Variants in DOCK3 observed in about 807,000 individuals in gnomAD.
The protein encoded by DOCK3 is dedicator of cytokinesis protein 3.
DOCK3 carries 60 observed loss-of-function variants against 265.6 expected under a neutral mutation model. The ratio of observed to expected loss-of-function variants is 0.23; its 90% CI spans 0.18 to 0.28. The LOEUF (loss-of-function observed/expected upper bound fraction) is 0.28. DOCK3 is among the 10% of genes least tolerant of loss of function. The probability of loss-of-function intolerance (pLI) is 1.00; values close to 1 mark genes in which losing one functional copy is unlikely to be tolerated. For synonymous variants in DOCK3, 881 were observed against 938.0 expected (o/e 0.94, Z 1.11); for missense variants, 1,981 against 2,594.3 (o/e 0.76, Z 5.14).
chr3:51,011,629 A>C (rs2078955078), intron 5 of DOCK3, among the ~76,000 whole-genome samples: 1 of 152,188 alleles, frequency 6.6e-6, no homozygotes, highest in Non-Finnish European at 1.5e-5. Context: ...CAACTTGTCA[A>C]AGTCATTCTC....
chr3:51,276,398 G>A (rs1488861237), intron 25 of DOCK3: 34 of 985,246 alleles, frequency 3.5e-5, no homozygotes, highest in Non-Finnish European at 4.1e-5. Flanking sequence ...AGGAAGGAGA[G>A]AAATTGAAGC....
intron 5 of DOCK3, among the ~76,000 whole-genome samples, chr3:50,979,018 C>T (rs1217850535): frequency 6.6e-6 from 1 of 152,144 alleles, no homozygotes; most frequent in African/African-American, 2.4e-5. Flanking sequence ...GTACGGTGCG[C>T]ACACCCACTG....
intron 5 of DOCK3, among the ~76,000 whole-genome samples, chr3:51,016,606 ATATTATATAT>A (rs2079276945): frequency 1.4e-5 from 1 of 70,872 alleles, no homozygotes; most frequent in Non-Finnish European, 2.4e-5. Flanking sequence ...TATGATATAT[ATATTATATAT>A]TTATATATAT....
intron 38 of DOCK3, among the ~76,000 whole-genome samples, chr3:51,347,935 CTGTT>C (rs2085704122): frequency 6.6e-6 from 1 of 152,164 alleles, no homozygotes; most frequent in South Asian, 2.1e-4. Context: ...ATTTGGCTCT[CTGTT>C]TGTCTGTTAT....
intron 5 of DOCK3, among the ~76,000 whole-genome samples, chr3:51,058,246 A>G (rs1005372313): frequency 6.6e-6 from 1 of 152,198 alleles, no homozygotes; most frequent in Non-Finnish European, 1.5e-5. Context: ...CTGCTGCCAT[A>G]TCTGTTGGTC....
At chr3:50,958,865 C>T (rs954925915) in intron 5 of DOCK3, among the ~76,000 whole-genome samples, 3 of 152,128 alleles carry the variant, frequency 2.0e-5, no homozygotes, top group Non-Finnish European at 4.4e-5. Flanking sequence ...ATATGTGTTT[C>T]ACATTTCTGG....
intron 2 of DOCK3, among the ~76,000 whole-genome samples, chr3:50,788,886 G>T (rs942791657): frequency 6.6e-6 from 1 of 152,206 alleles, no homozygotes; most frequent in East Asian, 1.9e-4. Context: ...CCCTTCCTTT[G>T]TTGGCCACCC....
At position 51,382,617 on chromosome 3, in the gene DOCK3, CAGGCTCCTGGGTAAAG is replaced by C. The variant is rs2110664659; in HGVS notation, c.*1062_*1077del. On this transcript the variant is annotated 3_prime_UTR_variant, in exon 53 of 53. Transcript: ENST00000266037. ...CCTGAGGACATGTGGTCAGGTTCAG[CAGGCTCCTGGGTAAAG>C]AGGGTGGGAGGGGGCTTCTCCTTTT... The C allele has an allele frequency of 6.5e-6, 1 of 152,744 alleles. No individual in the cohort carries two copies. Among genetic ancestry groups the C allele is most frequent in the African/African-American group, 2.4e-5 (1 of 41,578 alleles). The allele number at this position is 152,744 out of a possible 1,614,324, so 9.5% of individuals were successfully genotyped here.
chr3:51,338,839 C>T, intron 36 of DOCK3, 96 bp from the exon 37 acceptor site: 3 of 1,058,390 alleles, frequency 2.8e-6, no homozygotes, highest in Non-Finnish European at 4.3e-6. Flanking sequence ...TGCCCTCCCC[C>T]TCCTGCCCAG....
chr3:51,360,448 T>A, intron 46 of DOCK3, 63 bp from the exon 47 acceptor site: 1 of 1,550,232 alleles, frequency 6.5e-7, no homozygotes, highest in Middle Eastern at 1.7e-4. Flanking sequence ...AGTTATTCCC[T>A]CACATCCCTT....
intron 6 of DOCK3, among the ~76,000 whole-genome samples, chr3:51,068,560 A>AAAAAAAAAAAGAAG (rs529031027): frequency 7.3e-5 from 6 of 82,418 alleles, no homozygotes; most frequent in African/African-American, 1.8e-4. Context: ...AAAAAAAAAA[A>AAAAAAAAAAAGAAG]AAGAAGAAGA....
At chr3:50,949,028 A>G (rs2076521350) in intron 5 of DOCK3, among the ~76,000 whole-genome samples, 1 of 152,226 alleles carries the variant, frequency 6.6e-6, no homozygotes, top group African/African-American at 2.4e-5. Context: ...AGGGTAAATG[A>G]ATATTCATAT....
At chr3:51,147,743 G>T (rs1188957846) in intron 10 of DOCK3, among the ~76,000 whole-genome samples, 1 of 152,088 alleles carries the variant, frequency 6.6e-6, no homozygotes, top group Admixed American at 6.6e-5. Context: ...TCTGTAATTG[G>T]TGGACATTTG....
At chr3:51,295,076 A>G (rs1184430285) in intron 27 of DOCK3, among the ~76,000 whole-genome samples, 2 of 152,256 alleles carry the variant, frequency 1.3e-5, no homozygotes, top group African/African-American at 2.4e-5. Context: ...CTTAAATGGT[A>G]TAAAGGACAA....
chr3:50,694,843 CA>C (rs893425786), intron 1 of DOCK3, among the ~76,000 whole-genome samples: 5 of 151,842 alleles, frequency 3.3e-5, no homozygotes, highest in South Asian at 2.1e-4. Flanking sequence ...AAATGAAAAA[CA>C]AAAAAACAAA....
chr3:50,701,132 T>TTG (rs1434009760), intron 1 of DOCK3, among the ~76,000 whole-genome samples: 2 of 150,606 alleles, frequency 1.3e-5, no homozygotes, highest in African/African-American at 4.9e-5. Context: ...CCCTTGTTTT[T>TTG]TTTTTTTTTT....
chr3:50,941,242 T>A (rs1463005900), intron 5 of DOCK3, among the ~76,000 whole-genome samples: 1 of 152,146 alleles, frequency 6.6e-6, no homozygotes, highest in Non-Finnish European at 1.5e-5. Flanking sequence ...ACAACTCAGT[T>A]GTTGTTGTTG....
At chr3:50,693,484 G>A (rs1348319240) in intron 1 of DOCK3, among the ~76,000 whole-genome samples, 1 of 148,222 alleles carries the variant, frequency 6.7e-6, no homozygotes, top group Non-Finnish European at 1.5e-5. Context: ...GCTAGTATAA[G>A]TGGAATTGTT....
chr3:50,855,190 A>G (rs932124007), intron 3 of DOCK3, among the ~76,000 whole-genome samples: 2 of 152,186 alleles, frequency 1.3e-5, no homozygotes, highest in East Asian at 1.9e-4. Context: ...TTTGATAGCA[A>G]TTGTTCTGAA....
Sources: gnomAD v4.1 joint callset for allele counts (sites outside exome capture counted in the v4.1 genomes callset) on GRCh38, gnomAD v4.1.1 for gene constraint, MANE v1.5 for transcripts, NCBI Gene and HGNC (gene_info 2026-07-23, HGNC 2026-07-21) for gene names.